Variants in KMT2C observed in about 807,000 individuals in gnomAD.
KMT2C encodes the protein lysine methyltransferase 2C.
Under a neutral mutation model 507.9 loss-of-function variants are expected in KMT2C, and 88 were observed. That is an observed-to-expected ratio of 0.17 (90% CI 0.15 to 0.21). The LOEUF (loss-of-function observed/expected upper bound fraction) is 0.21, where lower values mean the gene tolerates loss of function less well. Among genes scored for constraint, KMT2C ranks in the 10% least tolerant of loss-of-function variants. The pLI, the probability that KMT2C is intolerant of heterozygous loss-of-function variation, is 1.00. For missense variants in KMT2C, 4,954 were observed against 5,957.8 expected (o/e 0.83, Z 5.55); for synonymous variants, 2,049 against 2,080.8 (o/e 0.98, Z 0.42).
chr7:152,425,272 G>A (rs1021259678), intron 1 of KMT2C, among the ~76,000 whole-genome samples: 9 of 152,068 alleles, frequency 5.9e-5, no homozygotes, highest in African/African-American at 1.9e-4. Flanking sequence ...AAGTATGAAA[G>A]TCTAATATAA....
chr7:152,303,443 T>C (rs947934831), intron 6 of KMT2C, among the ~76,000 whole-genome samples: 1 of 152,234 alleles, frequency 6.6e-6, no homozygotes, highest in Non-Finnish European at 1.5e-5. Flanking sequence ...TTCAAGCTAA[T>C]GCACTAAATT....
intron 27 of KMT2C, among the ~76,000 whole-genome samples, chr7:152,196,938 C>T (rs1018313738): frequency 6.6e-6 from 1 of 151,974 alleles, no homozygotes; most frequent in Non-Finnish European, 1.5e-5. Context: ...GCAGCTAGGG[C>T]AAGATTATGT....
rs984491280 is a variant in KMT2C, at chr7:152,183,025, A to G, written c.5214T>C (p.Asp1738=). ...SSRIDSELFK[D]PLKQRESEHE... ...GTTCTGATTCTCTTTGCTTTAAAGG[A>G]TCTTTAAAAAGCTCCGAATCAATAC... The change falls in exon 35 of 59, where the codon GAT becomes GAC. Residue 1738 remains aspartate (D), a synonymous_variant. Coordinates refer to ENST00000262189, the MANE Select transcript of KMT2C (RefSeq NM_170606.3). 5.0e-6 allele frequency: 8 copies of G among 1,609,168 alleles called. No individual in the cohort carries two copies. Among genetic ancestry groups the G allele is most frequent in the Non-Finnish European group, 5.9e-6 (7 of 1,178,492 alleles).
chr7:152,172,596 T>A (rs2093015220), intron 39 of KMT2C, among the ~76,000 whole-genome samples: 1 of 152,174 alleles, frequency 6.6e-6, no homozygotes, highest in Non-Finnish European at 1.5e-5. Context: ...CTCCAGAGGC[T>A]GATGCAGGAG....
chr7:152,198,763 T>G (rs1018947468), intron 27 of KMT2C, among the ~76,000 whole-genome samples: 1 of 152,162 alleles, frequency 6.6e-6, no homozygotes, highest in African/African-American at 2.4e-5. Context: ...CCAAAGATGC[T>G]GTTAAACATC....
intron 6 of KMT2C, among the ~76,000 whole-genome samples, chr7:152,274,326 G>A (rs62478866): frequency 7.2e-3 from 943 of 130,528 alleles, no homozygotes; most frequent in Middle Eastern, 0.037. Context: ...CTCATCAATT[G>A]TAAGTTAACA....
At chr7:152,297,420 T>C (rs991117301) in intron 6 of KMT2C, among the ~76,000 whole-genome samples, 1 of 152,074 alleles carries the variant, frequency 6.6e-6, no homozygotes, top group Non-Finnish European at 1.5e-5. Context: ...ATTCACCAGA[T>C]AACTGATCAG....
chr7:152,259,697 G>A (rs2095736114), intron 9 of KMT2C, among the ~76,000 whole-genome samples: 3 of 152,108 alleles, frequency 2.0e-5, no homozygotes, highest in Non-Finnish European at 4.4e-5. Flanking sequence ...ATCTGACAAT[G>A]ACTGGTTTAC....
intron 1 of KMT2C, among the ~76,000 whole-genome samples, chr7:152,382,654 C>T (rs2097384197): frequency 6.6e-6 from 1 of 151,934 alleles, no homozygotes; most frequent in African/African-American, 2.4e-5. Flanking sequence ...CTGTTAAATT[C>T]ACAATTTCCA....
chr7:152,186,533 G>A (rs770747866), intron 33 of KMT2C, among the ~76,000 whole-genome samples: 19 of 152,228 alleles, frequency 1.2e-4, no homozygotes, highest in Non-Finnish European at 2.2e-4. Context: ...CCATGAAGAC[G>A]CCAATCCAAA....
rs749417254 is a variant in KMT2C, at chr7:152,182,508, T to TTGCTGC, written c.5346_5351dup (p.Gln1786_Gln1787dup). ...GATGCTGAGAACCAAATTGCTGTTG[T>TTGCTGC]TGCTGCTGCTGCTGCTCATTTTTCA... On this transcript the variant is annotated inframe_insertion, in exon 36 of 59. Transcript: ENST00000262189. 2.5e-5 allele frequency: 41 copies of TTGCTGC among 1,613,778 alleles called. No individual in the cohort carries two copies. The African/African-American group carries it at 5.1e-4, about 20-fold the overall frequency.
chr7:152,269,881 G>T (rs376282789), intron 7 of KMT2C, among the ~76,000 whole-genome samples: 1 of 152,036 alleles, frequency 6.6e-6, no homozygotes, highest in African/African-American at 2.4e-5. Context: ...GCCGTAAAAA[G>T]AGAAGAGATA....
At chr7:152,212,043 A>G (rs1419081127) in intron 23 of KMT2C, among the ~76,000 whole-genome samples, 2 of 152,090 alleles carry the variant, frequency 1.3e-5, no homozygotes, top group Admixed American at 1.3e-4. Flanking sequence ...GCAAGACTCC[A>G]TCGAAAGAAA....
intron 5 of KMT2C, among the ~76,000 whole-genome samples, chr7:152,310,550 G>C (rs2096662193): frequency 6.6e-6 from 1 of 152,142 alleles, no homozygotes; most frequent in Non-Finnish European, 1.5e-5. Flanking sequence ...ATGCAACAGA[G>C]CAAGACTCCG....
intron 1 of KMT2C, among the ~76,000 whole-genome samples, chr7:152,389,540 G>A (rs1197753474): frequency 2.6e-5 from 4 of 151,298 alleles, no homozygotes; most frequent in South Asian, 4.2e-4. Flanking sequence ...CTGCAGCCTC[G>A]AACTCTTGGC....
intron 6 of KMT2C, among the ~76,000 whole-genome samples, chr7:152,279,494 G>A (rs1459828252): frequency 2.0e-5 from 3 of 152,286 alleles, no homozygotes; most frequent in South Asian, 2.1e-4. Context: ...AATGAGATCC[G>A]AGGTTTAAAC....
rs778626630 is a variant in KMT2C, at chr7:152,182,210, G to A, written c.5650C>T (p.Pro1884Ser). The A allele has an allele frequency of 1.2e-6, 2 of 1,614,020 alleles. No homozygotes were observed. The highest frequency in any genetic ancestry group is 3.3e-5 in the Admixed American group (2 of 60,002). Reference sequence around the variant, plus strand: ...GGTGGTCGTGAGTTAGAGGACCCAGGTGAAAACACTTGCGGTGAGGGTGGC... The same window carrying A: ...GGTGGTCGTGAGTTAGAGGACCCAGATGAAAACACTTGCGGTGAGGGTGGC... ...SQPPSPQVFS[P>S]GSSNSRPPSP... Residue 1884 changes from proline to serine, a missense_variant, in exon 36 of 59, where the codon CCT (proline) becomes TCT (serine). By Grantham distance (74) the Pro-to-Ser change is moderately conservative. Transcript: ENST00000262189.
At chr7:152,311,409 T>C (rs775384665) in intron 5 of KMT2C, among the ~76,000 whole-genome samples, 8 of 152,184 alleles carry the variant, frequency 5.3e-5, no homozygotes, top group Non-Finnish European at 8.8e-5. Flanking sequence ...ACTGTTATAA[T>C]AAGATAATCT....
intron 2 of KMT2C, among the ~76,000 whole-genome samples, chr7:152,357,293 G>A (rs1396208919): frequency 6.6e-6 from 1 of 152,150 alleles, no homozygotes; most frequent in Non-Finnish European, 1.5e-5. Context: ...GGGAGGCTGA[G>A]GTGAGCGGAT....
Sources: allele counts gnomAD v4.1 joint callset (sites outside exome capture counted in the v4.1 genomes callset), GRCh38; gene constraint gnomAD v4.1.1; transcripts MANE v1.5; gene names NCBI Gene and HGNC (gene_info 2026-07-23, HGNC 2026-07-21).